Variants in SPTLC3 observed in about 807,000 individuals in gnomAD.
SPTLC3 encodes the protein serine palmitoyltransferase long chain base subunit 3.
SPTLC3 carries 36 observed loss-of-function variants against 59.3 expected under a neutral mutation model. The ratio of observed to expected loss-of-function variants is 0.61; its 90% confidence interval spans 0.47 to 0.80. The LOEUF (loss-of-function observed/expected upper bound fraction) is 0.80, where lower values mean the gene tolerates loss of function less well. SPTLC3 is among the 30% of genes least tolerant of loss of function. The probability of loss-of-function intolerance (pLI) is 0.00; values close to 1 mark genes in which losing one functional copy is unlikely to be tolerated. For missense variants in SPTLC3, 625 were observed against 685.1 expected, an observed-to-expected ratio of 0.91 and a Z score of 0.98; for synonymous variants, 257 against 240.8, an observed-to-expected ratio of 1.07 and a Z score of -0.62.
intron 3 of SPTLC3, among the ~76,000 whole-genome samples, chr20:13,073,109 A>G (rs1988506372): frequency 6.6e-6 from 1 of 152,108 alleles, no homozygotes; most frequent in East Asian, 1.9e-4. Flanking sequence ...ACCATACATT[A>G]TTTTATAAAC....
chr20:13,031,259 G>T (rs1356576465), intron 1 of SPTLC3, among the ~76,000 whole-genome samples: 1 of 152,150 alleles, frequency 6.6e-6, no homozygotes, highest in African/African-American at 2.4e-5. Context: ...AGAATATTGA[G>T]CACTTGAAAT....
intron 10 of SPTLC3, among the ~76,000 whole-genome samples, chr20:13,154,349 C>G (rs1028607826): frequency 6.6e-6 from 1 of 152,142 alleles, no homozygotes; most frequent in African/African-American, 2.4e-5. Flanking sequence ...AGACTGAGCT[C>G]TCTCCCTAAA....
At chr20:13,074,599 G>A in intron 4 of SPTLC3, 102 bp downstream of exon 4, 4 of 1,311,226 alleles carry the variant, frequency 3.1e-6, no homozygotes, top group Admixed American at 2.5e-5. Flanking sequence ...CCCTTAAAAA[G>A]GTGTTATAAA....
At chr20:13,126,917 C>T (rs1051849998) in intron 9 of SPTLC3, among the ~76,000 whole-genome samples, 200 bp downstream of exon 9, 2 of 152,218 alleles carry the variant, frequency 1.3e-5, no homozygotes, top group African/African-American at 2.4e-5. Flanking sequence ...TCTAATTTAC[C>T]TCATTGTGAA....
At chr20:13,154,670 G>A (rs2038724660) in intron 10 of SPTLC3, among the ~76,000 whole-genome samples, 1 of 152,144 alleles carries the variant, frequency 6.6e-6, no homozygotes, top group African/African-American at 2.4e-5. Flanking sequence ...AACCCAAACT[G>A]AGGCTCACAT....
intron 8 of SPTLC3, among the ~76,000 whole-genome samples, chr20:13,123,293 T>G (rs577382115): frequency 3.5e-4 from 53 of 151,146 alleles, no homozygotes; most frequent in Admixed American, 6.6e-4. Flanking sequence ...GTCATGCCAC[T>G]GCACTCCAGC....
At chr20:13,161,866 C>T (rs2123003767) in intron 11 of SPTLC3, among the ~76,000 whole-genome samples, 1 of 152,300 alleles carries the variant, frequency 6.6e-6, no homozygotes, top group Non-Finnish European at 1.5e-5. Flanking sequence ...TGTCCTTCGT[C>T]TTCACCAGTA....
intron 9 of SPTLC3, among the ~76,000 whole-genome samples, chr20:13,139,880 T>C (rs112310998): frequency 6.6e-6 from 1 of 152,196 alleles, no homozygotes; most frequent in African/African-American, 2.4e-5. Context: ...AAGGACTGAA[T>C]ATGGATCTCT....
intron 4 of SPTLC3, among the ~76,000 whole-genome samples, chr20:13,080,129 T>A (rs1165298750): frequency 6.6e-6 from 1 of 152,128 alleles, no homozygotes; most frequent in Non-Finnish European, 1.5e-5. Flanking sequence ...ATGTTAATAT[T>A]CTTAACACTT....
chr20:13,159,401 C>T (rs978490715), intron 10 of SPTLC3, among the ~76,000 whole-genome samples: 2 of 152,076 alleles, frequency 1.3e-5, no homozygotes, highest in African/African-American at 2.4e-5. Flanking sequence ...ATCAGGAGAC[C>T]TTGCTATTTC....
At chr20:13,015,312 A>C (rs1225737234) in intron 1 of SPTLC3, among the ~76,000 whole-genome samples, 2 of 152,228 alleles carry the variant, frequency 1.3e-5, no homozygotes, top group African/African-American at 4.8e-5. Flanking sequence ...TATATAAAAA[A>C]ACTAAAACTT....
intron 1 of SPTLC3, among the ~76,000 whole-genome samples, chr20:13,017,327 C>G (rs1206594487): frequency 6.6e-6 from 1 of 152,190 alleles, no homozygotes; most frequent in Non-Finnish European, 1.5e-5. Context: ...TTGAACAACT[C>G]TAAGCTAAAG....
rs2327749 is a variant in SPTLC3 at position 13,106,695 on chromosome 20, G to T, written c.827-3417G>T. On this transcript the variant is annotated intron_variant, in intron 6 of 11. Coordinates refer to ENST00000399002, the MANE Select transcript of SPTLC3 (RefSeq NM_018327.4). ...AAGTATTTCTCACTGGAGGCTGCAGGTGAGCTGGGGTAACCGTGCCCTACG... is the reference window on the plus strand; with the variant it reads ...AAGTATTTCTCACTGGAGGCTGCAGTTGAGCTGGGGTAACCGTGCCCTACG... Among the ~76,000 whole-genome samples the T allele has an allele frequency of 4.2e-3, 638 of 152,296 alleles. 1 individual carries two copies. Among genetic ancestry groups the T allele is most frequent in the Non-Finnish European group, 5.7e-3 (388 of 68,022 alleles).
At chr20:13,104,923 A>G (rs1989794424) in intron 6 of SPTLC3, among the ~76,000 whole-genome samples, 1 of 152,118 alleles carries the variant, frequency 6.6e-6, no homozygotes, top group African/African-American at 2.4e-5. Context: ...AAAAACAAAA[A>G]CCTAACAGTC....
chr20:13,164,702 C>G, intron 11 of SPTLC3, 52 bp from the exon 12 acceptor site: 1 of 1,399,430 alleles, frequency 7.1e-7, no homozygotes, highest in Non-Finnish European at 1.0e-6. Context: ...CTCTGCAAAG[C>G]AGGGCTACTT....
In SPTLC3 at chr20:13,168,374, G is replaced by A. The variant is rs1280093981; in HGVS notation, c.*3507G>A. 6.6e-6 allele frequency: 1 copy of A among 152,050 alleles called. No individual in the cohort carries two copies. The highest frequency in any genetic ancestry group is 2.4e-5 in the African/African-American group (1 of 41,370). The allele number at this position is 152,050 out of a possible 1,614,324, so 9.4% of individuals were successfully genotyped here. On this transcript the variant is annotated 3_prime_UTR_variant, in exon 12 of 12. Coordinates refer to ENST00000399002, the MANE Select transcript of SPTLC3 (RefSeq NM_018327.4). ...AATTTTCTATTTTTAGTAGAGACAA[G>A]GTTTTTCCCTGTTGGTCAGGCTGGT...
Position 13,099,220 on chromosome 20 carries a change from C to T in SPTLC3, c.826+5643C>T, listed in dbSNP as rs563929213. On this transcript the variant is annotated intron_variant, in intron 6 of 11. Transcript: ENST00000399002. ...TCAGGGCAATGCAATGTGAGAAAGACTTAAAGAGCCCTTGCTGGCTTTGAA... is the reference window on the plus strand; with the variant it reads ...TCAGGGCAATGCAATGTGAGAAAGATTTAAAGAGCCCTTGCTGGCTTTGAA... Among the ~76,000 whole-genome samples, 27 of 152,250 alleles carry T rather than the reference C, an allele frequency of 1.8e-4. 1 individual carries two copies. The highest frequency in any genetic ancestry group is 8.3e-4 in the South Asian group (4 of 4,820).
intron 1 of SPTLC3, among the ~76,000 whole-genome samples, chr20:13,043,396 G>A (rs1051385653): frequency 3.3e-5 from 5 of 152,146 alleles, no homozygotes; most frequent in African/African-American, 1.2e-4. Flanking sequence ...AATGGAATGT[G>A]TCATGTTGCA....
chr20:13,152,129 A>G (rs2038662845), intron 9 of SPTLC3, among the ~76,000 whole-genome samples: 2 of 152,290 alleles, frequency 1.3e-5, no homozygotes, highest in Non-Finnish European at 2.9e-5. Flanking sequence ...GGAATCTAGG[A>G]TTCTAGAATC....
Sources: allele counts gnomAD v4.1 joint callset (sites outside exome capture counted in the v4.1 genomes callset), GRCh38; gene constraint gnomAD v4.1.1; transcripts MANE v1.5; gene names NCBI Gene and HGNC (gene_info 2026-07-23, HGNC 2026-07-21).